The following ELP1 variants were observed in gnomAD, a reference collection of about 807,000 sequenced individuals.
ELP1 encodes the protein elongator acetyltransferase complex subunit 1.
In ELP1, 131 loss-of-function variants were observed where a neutral mutation model predicts 183.2. The observed-to-expected ratio is 0.72, with a 90% CI of 0.62 to 0.83. The LOEUF is 0.83. Among genes scored for constraint, ELP1 ranks in the 40% least tolerant of loss-of-function variants. The pLI, the probability that ELP1 is intolerant of heterozygous loss-of-function variation, is 0.00. For synonymous variants in ELP1, 555 were observed against 569.0 expected (o/e 0.98, Z 0.35); for missense variants, 1,550 against 1,594.9 (o/e 0.97, Z 0.48).
At chr9:108,872,527 G>A (rs566867993) in intron 36 of ELP1, among the ~76,000 whole-genome samples, 22 of 152,046 alleles carry the variant, frequency 1.4e-4, no homozygotes, top group Non-Finnish European at 2.5e-4. Flanking sequence ...GTTACAGGCC[G>A]GGCGCGGTGG....
rs1182966138 is a variant in ELP1, at chr9:108,898,519, C to A, written c.2346G>T (p.Leu782Phe). The stretch of plus-strand genomic sequence containing the variant: ...ATACTTACTTCAATTCTGTAAAAAA[C>A]AAGTTAATATGATTCACAGAATCTA... ...KQIDSVNHIN[L>F]FFTELKEEDV... The change falls in exon 22 of 37, where the codon TTG becomes TTT. Residue 782 changes from leucine (L) to phenylalanine (F), a missense_variant. By Grantham distance (22) the Leu-to-Phe change is conservative. Transcript: ENST00000374647. 12 of 1,571,616 alleles carry A rather than the reference C, an allele frequency of 7.6e-6. No individual in the cohort carries two copies. The highest frequency in any genetic ancestry group is 9.6e-6 in the Non-Finnish European group (11 of 1,144,446).
intron 5 of ELP1, 144 bp from the exon 6 acceptor site, chr9:108,923,071 G>C: frequency 1.4e-6 from 1 of 735,570 alleles, no homozygotes; most frequent in Non-Finnish European, 2.5e-6. Flanking sequence ...GTCAATATTT[G>C]AGAAACCTAT....
rs1267475297 is a variant in ELP1, at chr9:108,931,034, T to C, written c.113A>G (p.Glu38Gly). ...AGGGTCTACTTCTATCAGGCCATGTTCTGAACCAATGAGCACCGTCCCCTG... is the reference window on the plus strand; with the variant it reads ...AGGGTCTACTTCTATCAGGCCATGTCCTGAACCAATGAGCACCGTCCCCTG... ...TEQGTVLIGS[E>G]HGLIEVDPVS... The change falls in exon 2 of 37, where the codon GAA (glutamate) becomes GGA (glycine). Residue 38 changes from glutamate to glycine, a missense_variant. Physicochemically the swap from Glu to Gly is moderately conservative, Grantham distance 98. Coordinates refer to ENST00000374647, the MANE Select transcript of ELP1 (RefSeq NM_003640.5). The C allele has an allele frequency of 1.9e-6, 3 of 1,614,156 alleles. No individual in the cohort carries two copies. Among genetic ancestry groups the C allele is most frequent in the Admixed American group, 1.7e-5 (1 of 60,012 alleles).
chr9:108,869,502 T>G (rs1359756618), intron 36 of ELP1, among the ~76,000 whole-genome samples: 3 of 152,190 alleles, frequency 2.0e-5, no homozygotes, highest in African/African-American at 4.8e-5. Context: ...TTATTAAAAC[T>G]CATCAAATTG....
intron 13 of ELP1, among the ~76,000 whole-genome samples, chr9:108,907,096 C>T (rs1368161676): frequency 1.3e-5 from 2 of 152,142 alleles, no homozygotes; most frequent in East Asian, 1.9e-4. Flanking sequence ...CATCTCTCCC[C>T]GGACTCAGGC....
At position 108,893,822 on chromosome 9, in the gene ELP1, TAG is replaced by T. The variant is rs202187313; in HGVS notation, c.2860+119_2860+120del. The T allele has an allele frequency of 4.0e-4, 423 of 1,064,376 alleles. 2 individuals are homozygous for T. In the East Asian group the frequency reaches 0.01, roughly 25 times the overall value. 65.9% of individuals were successfully genotyped at this position (1,064,376 alleles called of 1,614,324 possible). On this transcript the variant is annotated intron_variant, in intron 26 of 36. Transcript: ENST00000374647. ...AAATAACGTGAGCATACATAATTGT[TAG>T]AGTTTTCAGGAGTGGGAAGTGAAAT...
chr9:108,925,561 T>TCACCTAC (rs1276973042), intron 5 of ELP1, among the ~76,000 whole-genome samples: 6 of 152,032 alleles, frequency 3.9e-5, no homozygotes, highest in Non-Finnish European at 7.4e-5. Context: ...CCCTTATCCC[T>TCACCTAC]CACCTACCCA....
chr9:108,905,228 G>A (rs1828975434), intron 14 of ELP1, among the ~76,000 whole-genome samples: 1 of 152,142 alleles, frequency 6.6e-6, no homozygotes, highest in South Asian at 2.1e-4. Context: ...ATATATAAAG[G>A]AAAGGTTCCT....
chr9:108,904,245 ATTT>A (rs57450962), intron 14 of ELP1, among the ~76,000 whole-genome samples: 2 of 132,432 alleles, frequency 1.5e-5, no homozygotes, highest in Admixed American at 8.0e-5. Flanking sequence ...AAATTTCACT[ATTT>A]TTTTTTTTTT....
chr9:108,887,741 C>T (rs533287331), intron 29 of ELP1, among the ~76,000 whole-genome samples: 37 of 152,212 alleles, frequency 2.4e-4, no homozygotes, highest in South Asian at 1.2e-3. Context: ...TTTAAGCTGC[C>T]AGCTTTTAAG....
chr9:108,875,116 G>T, intron 35 of ELP1, 146 bp from the exon 36 acceptor site: 1 of 635,936 alleles, frequency 1.6e-6, no homozygotes, highest in Non-Finnish European at 2.9e-6. Context: ...TTCCCAATGT[G>T]ATTTTAATTT....
intron 32 of ELP1, 22 bp from the exon 33 acceptor site, chr9:108,879,579 C>T (rs779355864): frequency 6.5e-7 from 1 of 1,543,118 alleles, no homozygotes; most frequent in African/African-American, 1.4e-5. Flanking sequence ...GAACCAGAAG[C>T]CGATGAAAAC....
At chr9:108,891,701 C>G (rs2131970780) in intron 27 of ELP1, among the ~76,000 whole-genome samples, 1 of 152,298 alleles carries the variant, frequency 6.6e-6, no homozygotes, top group African/African-American at 2.4e-5. Flanking sequence ...ATAAGAACCA[C>G]CACCAAGTTG....
chr9:108,878,213 A>C, intron 34 of ELP1, 64 bp from the exon 35 acceptor site: 2 of 1,457,998 alleles, frequency 1.4e-6, no homozygotes, highest in Non-Finnish European at 1.9e-6. Context: ...AGAATCATAC[A>C]TAGCTTCTAT....
In ELP1 at chr9:108,878,807, T is replaced by C. The variant is rs148134272; in HGVS notation, c.3573-57A>G. The C allele has an allele frequency of 1.0e-3, 1,624 of 1,579,808 alleles. 4 individuals are homozygous for C. The highest frequency in any genetic ancestry group is 1.6e-3 in the South Asian group (148 of 90,346). On this transcript the variant is annotated intron_variant, in intron 33 of 36. Coordinates refer to ENST00000374647, the MANE Select transcript of ELP1 (RefSeq NM_003640.5). Reference sequence around the variant, plus strand: ...TCCTGAGTAGCTAGGACTACAGGCATGTGCTACCTTGCCTGGCTACTTTCT... The same window carrying C: ...TCCTGAGTAGCTAGGACTACAGGCACGTGCTACCTTGCCTGGCTACTTTCT...
At position 108,878,730 on chromosome 9, in the gene ELP1, C is replaced by G. The variant is rs200322331; in HGVS notation, c.3593G>C (p.Arg1198Pro). The part of the protein sequence containing the change: ...RISARSSKNR[R>P]KAERKKHSLK... ...GCTGTGCTTCTTCCGCTCCGCTTTTCGGCGATTCTTGGATGATCTCCTGTT... is the reference window on the plus strand; with the variant it reads ...GCTGTGCTTCTTCCGCTCCGCTTTTGGGCGATTCTTGGATGATCTCCTGTT... The change falls in exon 34 of 37, where the codon CGA becomes CCA. Residue 1198 changes from arginine (R) to proline (P), a missense_variant. Transcript: ENST00000374647. 3 of 1,614,186 alleles carry G rather than the reference C, an allele frequency of 1.9e-6. No individual in the cohort carries two copies. In the Admixed American group the frequency reaches 5.0e-5, roughly 27 times the overall value.
intron 14 of ELP1, 90 bp downstream of exon 14, chr9:108,906,213 T>G: frequency 8.0e-7 from 1 of 1,257,200 alleles, no homozygotes; most frequent in Non-Finnish European, 1.2e-6. Context: ...TCAACCTTGA[T>G]CAATAGAAGT....
At chr9:108,882,789 C>A (rs1408570796) in intron 29 of ELP1, among the ~76,000 whole-genome samples, 1 of 151,972 alleles carries the variant, frequency 6.6e-6, no homozygotes, top group Non-Finnish European at 1.5e-5. Context: ...GACAGGGTCT[C>A]ACTATGTTGT....
chr9:108,902,981 C>A (rs374680349), intron 15 of ELP1, 39 bp from the exon 16 acceptor site: 4 of 1,473,076 alleles, frequency 2.7e-6, no homozygotes, highest in African/African-American at 1.4e-5. Context: ...ATAGCTGATG[C>A]GCTCTTTGCA....
Sources: gnomAD v4.1 joint callset for allele counts (sites outside exome capture counted in the v4.1 genomes callset) on GRCh38, gnomAD v4.1.1 for gene constraint, MANE v1.5 for transcripts, NCBI Gene and HGNC (gene_info 2026-07-23, HGNC 2026-07-21) for gene names.